The following DSCAM variants were observed in gnomAD, a reference collection of about 807,000 sequenced individuals.
DSCAM encodes the protein DS cell adhesion molecule.
DSCAM carries 47 observed loss-of-function variants against 217.7 expected under a neutral mutation model. The observed-to-expected ratio is 0.22, with a 90% CI of 0.17 to 0.28. The LOEUF is 0.28. Ranked by LOEUF, DSCAM falls within the 10% of genes least tolerant of loss-of-function variation. The pLI is 1.00. For synonymous variants in DSCAM, 1,056 were observed against 1,015.3 expected (o/e 1.04, Z -0.76); for missense variants, 2,080 against 2,618.3 (o/e 0.79, Z 4.49).
chr21:40,739,864 C>T (rs1245270305), intron 1 of DSCAM, among the ~76,000 whole-genome samples: 1 of 147,236 alleles, frequency 6.8e-6, no homozygotes, highest in Non-Finnish European at 1.5e-5. Flanking sequence ...TTTCACTTTA[C>T]AGTTTCCAGA....
chr21:40,688,701 C>A (rs370060378), intron 3 of DSCAM, among the ~76,000 whole-genome samples: 3 of 152,186 alleles, frequency 2.0e-5, no homozygotes, highest in African/African-American at 7.2e-5. Flanking sequence ...ATTTACGACC[C>A]CACCCCCATC....
intron 3 of DSCAM, among the ~76,000 whole-genome samples, chr21:40,610,683 C>T (rs13046030): frequency 0.2 from 29,876 of 152,124 alleles, 3,141 homozygotes; most frequent in East Asian, 0.31. Context: ...TCCACGACCT[C>T]AGGGCCAGGC....
chr21:40,365,033 C>T (rs1465332214), intron 4 of DSCAM, among the ~76,000 whole-genome samples: 1 of 150,280 alleles, frequency 6.7e-6, no homozygotes, highest in Non-Finnish European at 1.5e-5. Flanking sequence ...ACTATATATG[C>T]TACTATAAAT....
At chr21:40,724,150 T>C (rs1474695933) in intron 1 of DSCAM, among the ~76,000 whole-genome samples, 1 of 152,192 alleles carries the variant, frequency 6.6e-6, no homozygotes, top group Non-Finnish European at 1.5e-5. Flanking sequence ...TAATGAATAA[T>C]ATGTATGTGG....
rs148698285 is a variant in DSCAM, at chr21:40,415,840, C to T, written c.509-46595G>A. Among the ~76,000 whole-genome samples, 301 of 152,244 alleles carry T rather than the reference C, an allele frequency of 2.0e-3. 1 individual carries two copies. Among genetic ancestry groups the T allele is most frequent in the African/African-American group, 6.9e-3 (287 of 41,532 alleles). ...CTGCCGCAATCCCTATACACACCTT[C>T]CCCCAACTCTCAGGACGGCACCATC... On this transcript the variant is annotated intron_variant, in intron 3 of 32. Transcript: ENST00000400454.
intron 20 of DSCAM, among the ~76,000 whole-genome samples, chr21:40,106,983 T>G (rs1204638086): frequency 6.6e-6 from 1 of 152,178 alleles, no homozygotes; most frequent in East Asian, 1.9e-4. Flanking sequence ...TGTTCAGCTC[T>G]GATTTTGATT....
chr21:40,768,954 T>C (rs999290497), intron 1 of DSCAM, among the ~76,000 whole-genome samples: 2 of 152,220 alleles, frequency 1.3e-5, no homozygotes, highest in South Asian at 4.1e-4. Context: ...GAGGGGAGAT[T>C]ATCAAAGAGA....
At chr21:40,295,050 G>A (rs544624109) in intron 10 of DSCAM, among the ~76,000 whole-genome samples, 1 of 152,162 alleles carries the variant, frequency 6.6e-6, no homozygotes, top group South Asian at 2.1e-4. Flanking sequence ...TTTGGTCATT[G>A]TTGCTTCCAT....
intron 3 of DSCAM, among the ~76,000 whole-genome samples, chr21:40,493,863 C>CA (rs57564776): frequency 0.11 from 13,444 of 125,130 alleles, 904 homozygotes; most frequent in East Asian, 0.16. Context: ...AACTCCATCT[C>CA]AAAAAAAAAA....
chr21:40,017,392 A>G (rs2088177820), intron 32 of DSCAM, among the ~76,000 whole-genome samples: 1 of 152,112 alleles, frequency 6.6e-6, no homozygotes, highest in Non-Finnish European at 1.5e-5. Context: ...GATGATGAGT[A>G]GTTATATGAT....
At chr21:40,597,926 T>G (rs1259098303) in intron 3 of DSCAM, among the ~76,000 whole-genome samples, 1 of 152,220 alleles carries the variant, frequency 6.6e-6, no homozygotes, top group African/African-American at 2.4e-5. Context: ...ATGAACATCT[T>G]GCAACAGTGT....
At chr21:40,585,179 C>CTTTCTTTTTTT (rs371140909) in intron 3 of DSCAM, among the ~76,000 whole-genome samples, 5 of 145,912 alleles carry the variant, frequency 3.4e-5, no homozygotes, top group Non-Finnish European at 4.5e-5. Flanking sequence ...AAATCAACTT[C>CTTTCTTTTTTT]TTTTTTTTTT....
At chr21:40,593,976 T>C (rs143223288) in intron 3 of DSCAM, among the ~76,000 whole-genome samples, 6 of 152,340 alleles carry the variant, frequency 3.9e-5, no homozygotes, top group African/African-American at 1.4e-4. Context: ...TTTGTTGTTG[T>C]TGTTTTCGTT....
chr21:40,599,479 T>C (rs1365454185), intron 3 of DSCAM, among the ~76,000 whole-genome samples: 2 of 152,158 alleles, frequency 1.3e-5, no homozygotes, highest in African/African-American at 4.8e-5. Context: ...GGGAAATTTA[T>C]AGCACTAAAT....
intron 3 of DSCAM, among the ~76,000 whole-genome samples, chr21:40,532,923 C>A (rs543019769): frequency 6.7e-6 from 1 of 148,794 alleles, no homozygotes; most frequent in African/African-American, 2.6e-5. Context: ...CACGCACGCG[C>A]ATGTGCGCAT....
Position 40,818,547 on chromosome 21 carries a change from C to CAAAAAAAAAAAAAAAAAAAAAA in DSCAM, c.43+28050_43+28071dup. Among the ~76,000 whole-genome samples the CAAAAAAAAAAAAAAAAAAAAAA allele has an allele frequency of 4.8e-5, 2 of 41,828 alleles. 1 individual carries two copies. 27.4% of individuals were successfully genotyped at this position (41,828 alleles called of 152,430 possible). A position where few individuals can be genotyped will look rare whatever the true frequency, so the allele number is the denominator to read the frequency against. ...GGCTACACAGCCAGACTCCGTCTCACAAAAAAAAAAAAAAAAAAAAAAAAA... is the reference window on the plus strand; with the variant it reads ...GGCTACACAGCCAGACTCCGTCTCACAAAAAAAAAAAAAAAAAAAAAAAAAAAAAAAAAAAAAAAAAAAAAAA... On this transcript the variant is annotated intron_variant, in intron 1 of 32. Transcript: ENST00000400454.
rs894842452 is a variant in DSCAM, at chr21:40,846,793, C to CGCCGCT, written c.-138_-133dup. On this transcript the variant is annotated 5_prime_UTR_variant, in exon 1 of 33. Coordinates refer to ENST00000400454, the MANE Select transcript of DSCAM (RefSeq NM_001389.5). ...CCCGCCCGCCGCCCGCCGCCGCCGC[C>CGCCGCT]GCCGCTGCCTAGCCGCCCGGGCACG... 11 of 240,664 alleles carry CGCCGCT rather than the reference C, an allele frequency of 4.6e-5. No individual in the cohort carries two copies. The Admixed American group carries it at 4.7e-4, about 10-fold the overall frequency. The allele number at this position is 240,664 out of a possible 1,614,324, so 14.9% of individuals were successfully genotyped here. A position where few individuals can be genotyped will look rare whatever the true frequency, so the allele number is the denominator to read the frequency against.
intron 3 of DSCAM, among the ~76,000 whole-genome samples, chr21:40,619,296 TTAA>T (rs1226033019): frequency 3.9e-5 from 6 of 152,172 alleles, no homozygotes; most frequent in Non-Finnish European, 7.3e-5. Context: ...ATATACACAT[TTAA>T]TAATATTTAT....
intron 3 of DSCAM, among the ~76,000 whole-genome samples, chr21:40,491,350 T>G (rs2146012369): frequency 6.6e-6 from 1 of 152,194 alleles, no homozygotes; most frequent in African/African-American, 2.4e-5. Flanking sequence ...AGTGATTGCT[T>G]CTGCCTAACC....
Sources: allele counts gnomAD v4.1 joint callset (sites outside exome capture counted in the v4.1 genomes callset), GRCh38; gene constraint gnomAD v4.1.1; transcripts MANE v1.5; gene names NCBI Gene and HGNC (gene_info 2026-07-23, HGNC 2026-07-21).